The following DCDC1 variants were observed in gnomAD, a reference collection of about 807,000 sequenced individuals.
The protein encoded by DCDC1 is doublecortin domain-containing protein 1.
Under a neutral mutation model 178.3 loss-of-function variants are expected in DCDC1, and 200 were observed. The observed-to-expected ratio is 1.12, with a 90% CI of 1.00 to 1.26. DCDC1 has a LOEUF of 1.26. Ranked by LOEUF, DCDC1 falls within the 50% of genes most tolerant of loss-of-function variation. The pLI is 0.00. For missense variants in DCDC1, 1,983 were observed against 1,749.2 expected (o/e 1.13, Z -2.38); for synonymous variants, 690 against 604.8 (o/e 1.14, Z -2.07).
intron 20 of DCDC1, among the ~76,000 whole-genome samples, chr11:31,048,619 C>T (rs1955021211): frequency 6.6e-6 from 1 of 152,014 alleles, no homozygotes; most frequent in Admixed American, 6.5e-5. Context: ...TTGGAGAGGC[C>T]AAGGTGGGTA....
intron 1 of DCDC1, among the ~76,000 whole-genome samples, chr11:31,336,328 T>C (rs1199074366): frequency 1.3e-5 from 2 of 152,204 alleles, no homozygotes; most frequent in African/African-American, 4.8e-5. Flanking sequence ...AGGGCAGGCA[T>C]CCAAAAGGTC....
intron 20 of DCDC1, among the ~76,000 whole-genome samples, chr11:31,019,873 G>A (rs1046329714): frequency 2.0e-5 from 3 of 151,732 alleles, no homozygotes; most frequent in Non-Finnish European, 4.4e-5. Context: ...CACATTCACC[G>A]GACCCCCACC....
intron 6 of DCDC1, among the ~76,000 whole-genome samples, chr11:31,294,910 C>T (rs767075370): frequency 3.1e-4 from 47 of 150,958 alleles, no homozygotes; most frequent in Non-Finnish European, 6.5e-4. Context: ...GCCAAAGAGG[C>T]AGAAAAGGGG....
At chr11:30,880,909 T>G (rs1942599822) in intron 37 of DCDC1, among the ~76,000 whole-genome samples, 1 of 152,162 alleles carries the variant, frequency 6.6e-6, no homozygotes, top group South Asian at 2.1e-4. Flanking sequence ...CTCTCAGTAT[T>G]TCTGCAAATA....
At chr11:31,019,938 G>A (rs915454438) in intron 20 of DCDC1, among the ~76,000 whole-genome samples, 5 of 151,456 alleles carry the variant, frequency 3.3e-5, no homozygotes, top group African/African-American at 4.9e-5. Flanking sequence ...TCACCTTCTC[G>A]GAGAGAAAAT....
chr11:31,313,887 C>T (rs1240159784), intron 3 of DCDC1, among the ~76,000 whole-genome samples: 3 of 152,160 alleles, frequency 2.0e-5, no homozygotes, highest in Non-Finnish European at 2.9e-5. Context: ...CATTCTGGAA[C>T]CTGGGCTAAT....
chr11:31,109,225 C>G (rs1959042085), intron 12 of DCDC1, among the ~76,000 whole-genome samples: 1 of 150,924 alleles, frequency 6.6e-6, no homozygotes, highest in African/African-American at 2.4e-5. Flanking sequence ...CTCAAGTGAT[C>G]CCCCCACCTC....
chr11:31,107,008 C>T (rs1464833565), intron 12 of DCDC1, 48 bp from the exon 13 acceptor site: 1 of 708,196 alleles, frequency 1.4e-6, no homozygotes, highest in East Asian at 2.5e-5. Context: ...AATAAATAAC[C>T]TAAAATGGGA....
At chr11:31,053,931 T>C (rs1015097646) in intron 20 of DCDC1, among the ~76,000 whole-genome samples, 1 of 152,094 alleles carries the variant, frequency 6.6e-6, no homozygotes, top group African/African-American at 2.4e-5. Context: ...ATGCCCACTC[T>C]CACCACTCCT....
At chr11:31,006,799 T>G (rs1455621758) in intron 20 of DCDC1, among the ~76,000 whole-genome samples, 1 of 152,190 alleles carries the variant, frequency 6.6e-6, no homozygotes, top group African/African-American at 2.4e-5. Flanking sequence ...AAAATAACCT[T>G]CATGATCCAA....
At chr11:31,096,083 G>A (rs564261820) in intron 15 of DCDC1, among the ~76,000 whole-genome samples, 1 of 151,990 alleles carries the variant, frequency 6.6e-6, no homozygotes, top group Non-Finnish European at 1.5e-5. Flanking sequence ...GTGTGATCAG[G>A]TACTATCATA....
chr11:31,212,070 G>A (rs574714422), intron 9 of DCDC1, among the ~76,000 whole-genome samples: 4 of 140,150 alleles, frequency 2.9e-5, no homozygotes, highest in Non-Finnish European at 3.0e-5. Context: ...GCGACAGAGC[G>A]AGACTCAGTC....
intron 9 of DCDC1, among the ~76,000 whole-genome samples, chr11:31,200,937 C>T (rs929140494): frequency 6.6e-6 from 1 of 151,598 alleles, no homozygotes; most frequent in Non-Finnish European, 1.5e-5. Flanking sequence ...GTATTACTTG[C>T]TCTTAGGAGA....
chr11:31,095,619 T>G (rs1958100785), intron 15 of DCDC1, among the ~76,000 whole-genome samples: 1 of 152,110 alleles, frequency 6.6e-6, no homozygotes, highest in Non-Finnish European at 1.5e-5. Context: ...GAGCTGAGAC[T>G]TTAGAGATAG....
chr11:31,032,337 T>G (rs1254517923), intron 20 of DCDC1, among the ~76,000 whole-genome samples: 1 of 152,178 alleles, frequency 6.6e-6, no homozygotes, highest in East Asian at 1.9e-4. Context: ...CATGGTATAT[T>G]TTAATTTTAA....
chr11:30,894,593 C>A (rs1017349121), intron 34 of DCDC1, among the ~76,000 whole-genome samples: 2 of 152,206 alleles, frequency 1.3e-5, no homozygotes, highest in East Asian at 3.9e-4. Context: ...AGCCAGGATT[C>A]ATATACATAC....
intron 9 of DCDC1, among the ~76,000 whole-genome samples, chr11:31,194,210 G>A (rs2136374032): frequency 6.6e-6 from 1 of 152,154 alleles, no homozygotes; most frequent in South Asian, 2.1e-4. Context: ...AGTGTTTAAT[G>A]TCGACAAGAT....
chr11:31,146,158 C>T (rs994275695), intron 9 of DCDC1, among the ~76,000 whole-genome samples: 9 of 151,682 alleles, frequency 5.9e-5, no homozygotes, highest in Admixed American at 1.3e-4. Context: ...CTGCAACCTC[C>T]GCCTCCCAGG....
chr11:31,033,527 T>C (rs1409056091), intron 20 of DCDC1, among the ~76,000 whole-genome samples: 1 of 152,186 alleles, frequency 6.6e-6, no homozygotes, highest in Non-Finnish European at 1.5e-5. Context: ...ACAGTATAAA[T>C]TCATGAATAT....
Sources: gnomAD v4.1 joint callset for allele counts (sites outside exome capture counted in the v4.1 genomes callset) on GRCh38, gnomAD v4.1.1 for gene constraint, MANE v1.5 for transcripts, NCBI Gene and HGNC (gene_info 2026-07-23, HGNC 2026-07-21) for gene names.